SDCBP: variants seen among roughly 807,000 people sequenced by gnomAD.
The protein encoded by SDCBP is syntenin-1.
Under a neutral mutation model 30.5 loss-of-function variants are expected in SDCBP, and 22 were observed. That is an observed-to-expected ratio of 0.72 (90% confidence interval 0.52 to 1.03). The LOEUF (loss-of-function observed/expected upper bound fraction) is 1.03. Among genes scored for constraint, SDCBP ranks in the 50% least tolerant of loss-of-function variants. The pLI, the probability that SDCBP is intolerant of heterozygous loss-of-function variation, is 0.00. For synonymous variants in SDCBP, 103 were observed against 118.7 expected, an observed-to-expected ratio of 0.87 and a Z score of 0.86; for missense variants, 304 against 369.9, an observed-to-expected ratio of 0.82 and a Z score of 1.46.
chr8:58,559,140 CAA>C (rs768441783), intron 1 of SDCBP, among the ~76,000 whole-genome samples: 4 of 152,086 alleles, frequency 2.6e-5, no homozygotes, highest in Non-Finnish European at 5.9e-5. Context: ...TGAATTAACT[CAA>C]GAGTTGTTCA....
intron 1 of SDCBP, among the ~76,000 whole-genome samples, chr8:58,557,572 C>A (rs1227842975): frequency 6.6e-6 from 1 of 150,508 alleles, no homozygotes; most frequent in Non-Finnish European, 1.5e-5. Flanking sequence ...ACTGAAAGAT[C>A]TCTTAATAGA....
At chr8:58,556,912 A>T (rs1326352936) in intron 1 of SDCBP, among the ~76,000 whole-genome samples, 1 of 139,958 alleles carries the variant, frequency 7.1e-6, no homozygotes, top group Non-Finnish European at 1.5e-5. Flanking sequence ...ATTATAATAT[A>T]TTCTAATTAT....
At position 58,566,838 on chromosome 8, in the gene SDCBP, A is replaced by G. The variant is rs552862658; in HGVS notation, c.51+1754A>G. Reference sequence around the variant, plus strand: ...GCTAAATTACAGCAATGAACCAACCATTCATATTTTGTAAACTATTCTGCA... The same window carrying G: ...GCTAAATTACAGCAATGAACCAACCGTTCATATTTTGTAAACTATTCTGCA... On this transcript the variant is annotated intron_variant, in intron 2 of 8. Transcript: ENST00000260130. 1.1e-3 allele frequency among the ~76,000 whole-genome samples: 167 copies of G among 152,328 alleles called. 2 individuals carry two copies. The highest frequency in any genetic ancestry group is 0.01 in the Middle Eastern group (3 of 294).
chr8:58,572,410 T>C, intron 4 of SDCBP, 96 bp downstream of exon 4: 1 of 768,076 alleles, frequency 1.3e-6, no homozygotes, highest in Non-Finnish European at 2.2e-6. Context: ...GATATACTAC[T>C]AGCATTGAAC....
chr8:58,577,542 A>T (rs978235715), intron 5 of SDCBP, among the ~76,000 whole-genome samples: 4 of 152,200 alleles, frequency 2.6e-5, no homozygotes, highest in Non-Finnish European at 4.4e-5. Flanking sequence ...TGGGTAAAGG[A>T]ATGCTTCAGC....
intron 1 of SDCBP, among the ~76,000 whole-genome samples, chr8:58,557,390 A>G (rs1016818638): frequency 1.6e-5 from 2 of 122,668 alleles, no homozygotes; most frequent in Non-Finnish European, 3.3e-5. Flanking sequence ...AAATATTTAT[A>G]TTTAAAATAT....
chr8:58,580,161 A>T (rs1805601234), intron 7 of SDCBP, among the ~76,000 whole-genome samples: 1 of 152,200 alleles, frequency 6.6e-6, no homozygotes, highest in East Asian at 1.9e-4. Flanking sequence ...TCCTCCACAA[A>T]TTCCTAAATA....
chr8:58,555,692 T>C (rs1804061074), intron 1 of SDCBP, among the ~76,000 whole-genome samples: 1 of 152,134 alleles, frequency 6.6e-6, no homozygotes, highest in Non-Finnish European at 1.5e-5. Flanking sequence ...ACCTCATGTA[T>C]GAGCCATCTG....
intron 1 of SDCBP, among the ~76,000 whole-genome samples, chr8:58,555,497 C>T (rs955938742): frequency 2.6e-5 from 4 of 152,112 alleles, no homozygotes; most frequent in African/African-American, 9.7e-5. Flanking sequence ...AATGGCTGAT[C>T]ATCAGAAACC....
At chr8:58,576,390 T>C (rs1805316994) in intron 5 of SDCBP, 1 of 170,536 alleles carries the variant, frequency 5.9e-6, no homozygotes, top group South Asian at 1.5e-4. Context: ...GAAAAAACTT[T>C]CCAATGAGAG....
At chr8:58,554,407 T>G (rs1803986396) in intron 1 of SDCBP, among the ~76,000 whole-genome samples, 1 of 152,240 alleles carries the variant, frequency 6.6e-6, no homozygotes, top group Non-Finnish European at 1.5e-5. Context: ...TTTTGTCTTC[T>G]GTGTTACCAA....
intron 4 of SDCBP, among the ~76,000 whole-genome samples, chr8:58,573,444 C>G (rs1175779958): frequency 6.6e-6 from 1 of 152,138 alleles, no homozygotes; most frequent in Non-Finnish European, 1.5e-5. Flanking sequence ...GATGTAATTG[C>G]AGATAGCTAG....
intron 1 of SDCBP, among the ~76,000 whole-genome samples, chr8:58,555,187 C>A (rs1045244294): frequency 6.6e-6 from 1 of 152,144 alleles, no homozygotes; most frequent in Non-Finnish European, 1.5e-5. Context: ...TGCAGTGAAT[C>A]AACTTTTACA....
At chr8:58,558,914 C>T (rs1301931381) in intron 1 of SDCBP, among the ~76,000 whole-genome samples, 1 of 152,106 alleles carries the variant, frequency 6.6e-6, no homozygotes, top group African/African-American at 2.4e-5. Flanking sequence ...GCAGCTACAA[C>T]ATTTTAATAC....
intron 1 of SDCBP, chr8:58,561,551 G>A (rs1217005019): frequency 9.9e-6 from 4 of 405,290 alleles, no homozygotes; most frequent in Non-Finnish European, 1.8e-5. Flanking sequence ...AGAAAGAAGT[G>A]GGATGATATA....
At chr8:58,574,356 T>C (rs2129608131) in intron 4 of SDCBP, among the ~76,000 whole-genome samples, 1 of 152,338 alleles carries the variant, frequency 6.6e-6, no homozygotes, top group African/African-American at 2.4e-5. Flanking sequence ...ATTGCTGTAT[T>C]TACAGAAAAT....
intron 4 of SDCBP, among the ~76,000 whole-genome samples, chr8:58,574,297 A>G (rs900765425): frequency 1.3e-5 from 2 of 152,220 alleles, no homozygotes; most frequent in African/African-American, 4.8e-5. Flanking sequence ...ACCACTACCA[A>G]CAATTCATAC....
rs1585717629 is a variant in SDCBP, at chr8:58,582,015, T to C, written c.*275T>C. 7.1e-6 allele frequency: 3 copies of C among 421,890 alleles called. No homozygotes were observed. The East Asian group carries it at 1.4e-4, about 20-fold the overall frequency. 26.1% of individuals were successfully genotyped at this position (421,890 alleles called of 1,614,324 possible). A position where few individuals can be genotyped will look rare whatever the true frequency, so the allele number is the denominator to read the frequency against. On this transcript the variant is annotated 3_prime_UTR_variant, in exon 9 of 9. Coordinates refer to ENST00000260130, the MANE Select transcript of SDCBP (RefSeq NM_005625.4). ...TTTCTCTACTGGAAACCTGATGCTTTTATAAGCCATTGTGATTAGGATGAC... is the reference window on the plus strand; with the variant it reads ...TTTCTCTACTGGAAACCTGATGCTTCTATAAGCCATTGTGATTAGGATGAC...
At position 58,572,304 on chromosome 8, in the gene SDCBP, C is replaced by A. The variant is rs1457045260; in HGVS notation, c.230C>A (p.Pro77Gln). ...RANVAVVSGA[P>Q]LQGQLVARPS... ...AATGTGGCCGTGGTTTCTGGTGCAC[C>A]ACTTCAGGGGGTATGTATAGTGTAA... The change falls in exon 4 of 9, where the codon CCA (proline) becomes CAA (glutamine). Residue 77 changes from proline to glutamine, a missense_variant. Coordinates refer to ENST00000260130, the MANE Select transcript of SDCBP (RefSeq NM_005625.4). The A allele has an allele frequency of 5.0e-6, 8 of 1,594,392 alleles. No individual in the cohort carries two copies. In the East Asian group the frequency reaches 1.3e-4, roughly 27 times the overall value.
Sources: gnomAD v4.1 joint callset for allele counts (sites outside exome capture counted in the v4.1 genomes callset) on GRCh38, gnomAD v4.1.1 for gene constraint, MANE v1.5 for transcripts, NCBI Gene and HGNC (gene_info 2026-07-23, HGNC 2026-07-21) for gene names.